WNK1: variants seen among roughly 807,000 people sequenced by gnomAD.
The protein encoded by WNK1 is WNK lysine deficient protein kinase 1, also known as serine/threonine-protein kinase WNK1.
A neutral mutation model predicts 222.8 loss-of-function variants in WNK1; 38 were observed. The ratio of observed to expected loss-of-function variants is 0.17; its 90% CI spans 0.13 to 0.22. The LOEUF (loss-of-function observed/expected upper bound fraction) is 0.22. Ranked by LOEUF, WNK1 falls within the 10% of genes least tolerant of loss-of-function variation. The pLI is 1.00. For synonymous variants in WNK1, 1,090 were observed against 1,092.9 expected, an observed-to-expected ratio of 1.00 and a Z score of 0.05; for missense variants, 2,348 against 2,918.4, an observed-to-expected ratio of 0.80 and a Z score of 4.50.
At chr12:801,423 T>TTG (rs367875366) in intron 1 of WNK1, among the ~76,000 whole-genome samples, 12,352 of 143,820 alleles carry the variant, frequency 0.086, 555 homozygotes, top group African/African-American at 0.12. Flanking sequence ...CTTTTTTTCT[T>TTG]TGTGTGTGTG....
At chr12:831,881 C>G (rs1948820507) in intron 4 of WNK1, among the ~76,000 whole-genome samples, 1 of 151,528 alleles carries the variant, frequency 6.6e-6, no homozygotes, top group Non-Finnish European at 1.5e-5. Context: ...AAAATTTAGG[C>G]TAAACATTTT....
intron 1 of WNK1, among the ~76,000 whole-genome samples, chr12:778,965 CA>C (rs1341601035): frequency 1.3e-5 from 2 of 152,062 alleles, no homozygotes; most frequent in Non-Finnish European, 2.9e-5. Context: ...ATAAACATTA[CA>C]GGGGGAGCAA....
chr12:823,713 G>A (rs1948099031), intron 2 of WNK1, among the ~76,000 whole-genome samples: 1 of 152,022 alleles, frequency 6.6e-6, no homozygotes. Flanking sequence ...TTTGGCATAG[G>A]TACTATAATT....
chr12:863,452 A>T (rs1440935827), intron 8 of WNK1, among the ~76,000 whole-genome samples: 1 of 152,144 alleles, frequency 6.6e-6, no homozygotes, highest in Non-Finnish European at 1.5e-5. Flanking sequence ...TGCACAGAAA[A>T]TATATTTCTG....
Position 885,654 on chromosome 12 carries a change from T to G in WNK1, c.4850T>G (p.Leu1617Arg). 6.2e-7 allele frequency: 1 copy of G among 1,614,178 alleles called. No homozygotes were observed. The highest frequency in any genetic ancestry group is 8.5e-7 in the Non-Finnish European group (1 of 1,180,028). Residue 1617 changes from leucine to arginine, a missense_variant, in exon 19 of 28, where the codon CTA becomes CGA. Around this residue, in one of 13 missense-constraint regions of WNK1, gnomAD observed 1,144 missense variants for 1,273.6 expected, o/e 0.90. Transcript: ENST00000315939. ...AATGTGCCTGCTGTACAGCAGACACTAATTCATAGTCAGCCTCAACCAGCT... is the reference window on the plus strand; with the variant it reads ...AATGTGCCTGCTGTACAGCAGACACGAATTCATAGTCAGCCTCAACCAGCT... The part of the protein sequence containing the change: ...VANVPAVQQT[L>R]IHSQPQPALL...
chr12:883,913 A>G, intron 17 of WNK1, 82 bp downstream of exon 17: 1 of 1,565,570 alleles, frequency 6.4e-7, no homozygotes, highest in Non-Finnish European at 8.7e-7. Flanking sequence ...CTGTAGTCCC[A>G]GCTACTCAGG....
rs116374700 is a variant in WNK1 at position 782,238 on chromosome 12, C to T, written c.759+27914C>T. Reference sequence around the variant, plus strand: ...ATTAGGTCTGAATGTGAATGTTGCACTTTGAGAGGAAATAGTATAGAAGTA... The same window carrying T: ...ATTAGGTCTGAATGTGAATGTTGCATTTTGAGAGGAAATAGTATAGAAGTA... On this transcript the variant is annotated intron_variant, in intron 1 of 27. Transcript: ENST00000315939. Among the ~76,000 whole-genome samples the T allele has an allele frequency of 2.1e-3, 313 of 152,246 alleles. 1 individual carries two copies. The highest frequency in any genetic ancestry group is 6.9e-3 in the African/African-American group (288 of 41,516).
In WNK1 at chr12:885,453, C is replaced by G. The variant is rs1462619663; in HGVS notation, c.4649C>G (p.Ser1550Cys). The G allele has an allele frequency of 6.2e-7, 1 of 1,613,806 alleles. No homozygotes were observed. ...LAFSLSAPSS[S>C]SSPGAGVSSY... ...TTCTCCCTCTCTGCACCATCTTCCT[C>G]TTCCTCTCCTGGAGCAGGAGTGTCT... Residue 1550 changes from serine to cysteine, a missense_variant, in exon 19 of 28, where the codon TCT (serine) becomes TGT (cysteine). Physicochemically the swap from Ser to Cys is moderately radical, Grantham distance 112. Transcript: ENST00000315939.
intron 4 of WNK1, among the ~76,000 whole-genome samples, chr12:836,082 C>T (rs931736244): frequency 6.6e-6 from 1 of 152,064 alleles, no homozygotes; most frequent in South Asian, 2.1e-4. Context: ...TCTTTTTGCC[C>T]GAAATGTATG....
chr12:806,490 T>G (rs1946377151), intron 1 of WNK1, among the ~76,000 whole-genome samples: 1 of 152,180 alleles, frequency 6.6e-6, no homozygotes, highest in African/African-American at 2.4e-5. Flanking sequence ...GCAAAGTTGG[T>G]TAATTATGCA....
chr12:787,318 G>T (rs1301725329), intron 1 of WNK1, among the ~76,000 whole-genome samples: 1 of 152,092 alleles, frequency 6.6e-6, no homozygotes, highest in Non-Finnish European at 1.5e-5. Flanking sequence ...TAGAGATGGG[G>T]TCTCACTGTT....
chr12:811,984 A>G (rs1434411008), intron 1 of WNK1, among the ~76,000 whole-genome samples: 2 of 152,238 alleles, frequency 1.3e-5, no homozygotes, highest in African/African-American at 4.8e-5. Context: ...AATATTCTAA[A>G]TATTTCTATG....
At chr12:770,558 A>G (rs1456506588) in intron 1 of WNK1, among the ~76,000 whole-genome samples, 1 of 152,214 alleles carries the variant, frequency 6.6e-6, no homozygotes, top group Non-Finnish European at 1.5e-5. Flanking sequence ...GCTAATTTAG[A>G]CTATTCTATT....
chr12:825,006 C>T (rs980603205), intron 2 of WNK1, among the ~76,000 whole-genome samples: 6 of 152,088 alleles, frequency 3.9e-5, no homozygotes, highest in African/African-American at 9.7e-5. Context: ...GTATGCATTT[C>T]GTTAGAGTTC....
intron 1 of WNK1, among the ~76,000 whole-genome samples, chr12:795,149 A>G (rs1430058657): frequency 6.6e-6 from 1 of 152,156 alleles, no homozygotes; most frequent in Non-Finnish European, 1.5e-5. Flanking sequence ...TTTTGGAAGA[A>G]TTTGTGAATA....
At chr12:834,890 G>A (rs150218901) in intron 4 of WNK1, among the ~76,000 whole-genome samples, 160 of 152,212 alleles carry the variant, frequency 1.1e-3, no homozygotes, top group South Asian at 3.1e-3. Flanking sequence ...GCAGCACCAG[G>A]CATCCAGAAT....
chr12:755,011 C>A (rs1939784092), intron 1 of WNK1, among the ~76,000 whole-genome samples: 1 of 152,080 alleles, frequency 6.6e-6, no homozygotes, highest in Non-Finnish European at 1.5e-5. Flanking sequence ...GTAATGTCAT[C>A]ATCATTGTTT....
In WNK1 at chr12:895,669, G is replaced by A. The variant is rs561032897; in HGVS notation, c.5584-402G>A. 1.4e-4 allele frequency among the ~76,000 whole-genome samples: 21 copies of A among 152,248 alleles called. No individual in the cohort carries two copies. In the East Asian group the frequency reaches 4.1e-3, roughly 29 times the overall value. On this transcript the variant is annotated intron_variant, in intron 23 of 27. Transcript: ENST00000315939. ...AGACAGGGTTTCACCACGTTGGCCA[G>A]GCTGATCTGAAACTCCTGACCTCAA...
intron 4 of WNK1, among the ~76,000 whole-genome samples, chr12:840,168 C>T (rs762362989): frequency 7.2e-5 from 11 of 152,194 alleles, no homozygotes; most frequent in East Asian, 1.9e-4. Context: ...CACTCTGTCA[C>T]CGAGGCTTGA....
Sources: gnomAD v4.1 joint callset for allele counts (sites outside exome capture counted in the v4.1 genomes callset) on GRCh38, gnomAD v4.1.1 for gene constraint, gnomAD v4.1.1 regional missense constraint, MANE v1.5 for transcripts, NCBI Gene and HGNC (gene_info 2026-07-23, HGNC 2026-07-21) for gene names.